The following NRXN3 variants were observed in gnomAD, a reference collection of about 807,000 sequenced individuals.
NRXN3 encodes the protein neurexin III.
A neutral mutation model predicts 137.6 loss-of-function variants in NRXN3; 32 were observed. The ratio of observed to expected loss-of-function variants is 0.23; its 90% CI spans 0.18 to 0.31. NRXN3 has a LOEUF of 0.31. NRXN3 is among the 10% of genes least tolerant of loss of function. The pLI is 1.00. For synonymous variants in NRXN3, 798 were observed against 784.5 expected (o/e 1.02, Z -0.29); for missense variants, 1,574 against 2,062.5 (o/e 0.76, Z 4.59).
intron 8 of NRXN3, among the ~76,000 whole-genome samples, chr14:78,771,468 T>C (rs905437609): frequency 7.9e-5 from 12 of 152,214 alleles, no homozygotes; most frequent in Admixed American, 3.3e-4. Context: ...TATTAACTGC[T>C]GAGATGTATA....
intron 4 of NRXN3, among the ~76,000 whole-genome samples, chr14:78,431,326 C>T (rs1228554652): frequency 6.6e-6 from 1 of 152,168 alleles, no homozygotes; most frequent in Non-Finnish European, 1.5e-5. Flanking sequence ...CGCTTGACCT[C>T]AAGAAGCTTA....
At chr14:79,541,776 G>A (rs571796643) in intron 16 of NRXN3, among the ~76,000 whole-genome samples, 55 of 152,294 alleles carry the variant, frequency 3.6e-4, no homozygotes, top group African/African-American at 1.3e-3. Flanking sequence ...TGTAGCTGAT[G>A]GAGTTGCATT....
At chr14:79,825,884 C>T (rs2099296957) in intron 20 of NRXN3, among the ~76,000 whole-genome samples, 1 of 152,120 alleles carries the variant, frequency 6.6e-6, no homozygotes, top group Admixed American at 6.5e-5. Flanking sequence ...GTTATAGATC[C>T]TCCAGCACAT....
At chr14:79,684,335 C>T (rs903662178) in intron 17 of NRXN3, among the ~76,000 whole-genome samples, 2 of 152,090 alleles carry the variant, frequency 1.3e-5, no homozygotes, top group African/African-American at 4.8e-5. Context: ...GCCTAATATG[C>T]GGTCCTGTTA....
At chr14:78,224,750 CTTTTTTT>C (rs35800837) in intron 1 of NRXN3, among the ~76,000 whole-genome samples, 1 of 64,844 alleles carries the variant, frequency 1.5e-5, no homozygotes, top group African/African-American at 6.1e-5. Flanking sequence ...GTGCATGTGT[CTTTTTTT>C]TTTTTTTTTT....
chr14:79,380,050 G>A (rs1237418378), intron 15 of NRXN3, among the ~76,000 whole-genome samples: 1 of 150,420 alleles, frequency 6.6e-6, no homozygotes, highest in Admixed American at 6.6e-5. Flanking sequence ...GTTCAACAGT[G>A]TTTTTCCAAC....
intron 16 of NRXN3, among the ~76,000 whole-genome samples, chr14:79,491,559 A>G (rs957629184): frequency 1.3e-5 from 2 of 152,234 alleles, no homozygotes; most frequent in African/African-American, 4.8e-5. Flanking sequence ...TTTTCCAAAG[A>G]GGCACTAATG....
At chr14:79,481,213 A>G (rs2096605187) in intron 16 of NRXN3, among the ~76,000 whole-genome samples, 1 of 152,152 alleles carries the variant, frequency 6.6e-6, no homozygotes. Flanking sequence ...GTGCTATCAT[A>G]TATATTTTAT....
chr14:78,548,212 C>G (rs999093925), intron 4 of NRXN3, among the ~76,000 whole-genome samples: 20 of 151,820 alleles, frequency 1.3e-4, no homozygotes, highest in Non-Finnish European at 2.2e-4. Flanking sequence ...TTAAACAACT[C>G]TAGTTAAAAA....
chr14:79,083,619 C>A (rs371870458), intron 15 of NRXN3, among the ~76,000 whole-genome samples: 1 of 152,152 alleles, frequency 6.6e-6, no homozygotes, highest in South Asian at 2.1e-4. Flanking sequence ...TCGCTGTTAT[C>A]GTTGTCATGT....
intron 4 of NRXN3, among the ~76,000 whole-genome samples, chr14:78,590,418 A>G (rs2097106203): frequency 6.6e-6 from 1 of 152,200 alleles, no homozygotes; most frequent in Non-Finnish European, 1.5e-5. Flanking sequence ...TGGATATTCC[A>G]GGGAATACTT....
chr14:79,091,208 G>T (rs2049107126), intron 15 of NRXN3, among the ~76,000 whole-genome samples: 1 of 151,794 alleles, frequency 6.6e-6, no homozygotes, highest in Admixed American at 6.6e-5. Context: ...AAAGCACTTA[G>T]CTTATTGCCT....
chr14:79,427,408 A>G (rs184584483), intron 15 of NRXN3, among the ~76,000 whole-genome samples: 115 of 152,224 alleles, frequency 7.6e-4, no homozygotes, highest in Non-Finnish European at 1.2e-3. Context: ...TACTCTTCCC[A>G]TTCTACTTCA....
chr14:78,222,967 A>G lies in NRXN3; in HGVS notation c.-703-19424A>G, dbSNP rs189975753. On this transcript the variant is annotated intron_variant, in intron 1 of 20. Transcript: ENST00000335750. ...CATGATGAAAAATTTACAAGTTAGT[A>G]TATCCATCTCCACATAAAAGAATTC... Among the ~76,000 whole-genome samples, 20 of 152,394 alleles carry G rather than the reference A, an allele frequency of 1.3e-4. No homozygotes were observed. In the East Asian group the frequency reaches 3.5e-3, roughly 26 times the overall value.
At chr14:78,442,220 T>C (rs2094280979) in intron 4 of NRXN3, among the ~76,000 whole-genome samples, 2 of 145,548 alleles carry the variant, frequency 1.4e-5, no homozygotes, top group African/African-American at 5.2e-5. Context: ...TAAGCAGAGA[T>C]CATGCCACCG....
rs775452045 is a variant in NRXN3, at chr14:79,569,630, T to TGTGTGA, written c.3445-94147_3445-94146insTGTGAG. Among the ~76,000 whole-genome samples, 56 of 135,778 alleles carry TGTGTGA rather than the reference T, an allele frequency of 4.1e-4. 1 individual carries two copies. The East Asian group carries it at 8.7e-3, about 21-fold the overall frequency. 89.1% of individuals were successfully genotyped at this position (135,778 alleles called of 152,430 possible). A position where few individuals can be genotyped will look rare whatever the true frequency, so the allele number is the denominator to read the frequency against. On this transcript the variant is annotated intron_variant, in intron 16 of 20. Transcript: ENST00000335750. ...GTGTGTGTGTGTGTGTGTGTGTGTG[T>TGTGTGA]GAGAGAGAGAGAGAGAGAGACAGAG...
intron 15 of NRXN3, among the ~76,000 whole-genome samples, chr14:79,319,924 G>T (rs1263254146): frequency 6.6e-6 from 1 of 152,218 alleles, no homozygotes; most frequent in East Asian, 1.9e-4. Flanking sequence ...ATGCCCAAGG[G>T]TGTATTTTGC....
intron 16 of NRXN3, among the ~76,000 whole-genome samples, chr14:79,610,800 GTTGT>G (rs1322089677): frequency 5.3e-5 from 8 of 152,204 alleles, no homozygotes; most frequent in East Asian, 1.9e-4. Context: ...ACTGAAATCA[GTTGT>G]TTAATTGTTC....
intron 15 of NRXN3, among the ~76,000 whole-genome samples, chr14:79,039,508 T>C (rs1376259166): frequency 6.6e-6 from 1 of 152,082 alleles, no homozygotes; most frequent in Non-Finnish European, 1.5e-5. Flanking sequence ...TTGGACCCAA[T>C]TATGCATGCC....
Sources: allele counts gnomAD v4.1 joint callset (sites outside exome capture counted in the v4.1 genomes callset), GRCh38; gene constraint gnomAD v4.1.1; transcripts MANE v1.5; gene names NCBI Gene and HGNC (gene_info 2026-07-23, HGNC 2026-07-21).